COLQ: variants seen among roughly 807,000 people sequenced by gnomAD.
The protein encoded by COLQ is acetylcholinesterase collagenic tail peptide.
In COLQ, 48 loss-of-function variants were observed where a neutral mutation model predicts 69.0. The observed-to-expected ratio is 0.70, with a 90% CI of 0.55 to 0.88. The LOEUF (loss-of-function observed/expected upper bound fraction) is 0.88. Among genes scored for constraint, COLQ ranks in the 40% least tolerant of loss-of-function variants. The pLI, the probability that COLQ is intolerant of heterozygous loss-of-function variation, is 0.00. For missense variants in COLQ, 618 were observed against 594.6 expected, an observed-to-expected ratio of 1.04 and a Z score of -0.41; for synonymous variants, 217 against 211.2, an observed-to-expected ratio of 1.03 and a Z score of -0.24.
intron 12 of COLQ, among the ~76,000 whole-genome samples, chr3:15,463,459 G>T (rs1177337234): frequency 6.6e-6 from 1 of 151,818 alleles, no homozygotes; most frequent in Non-Finnish European, 1.5e-5. Flanking sequence ...CCATTCTCCT[G>T]CCTCAGCCTC....
rs749975146 is a variant in COLQ at position 15,470,670 on chromosome 3, C to T, written c.637-54G>A. The T allele has an allele frequency of 1.9e-5, 29 of 1,510,558 alleles. 1 individual carries two copies. The South Asian group carries it at 2.9e-4, about 15-fold the overall frequency. 93.6% of individuals were successfully genotyped at this position (1,510,558 alleles called of 1,614,324 possible). On this transcript the variant is annotated intron_variant, in intron 10 of 16. Coordinates refer to ENST00000383788, the MANE Select transcript of COLQ (RefSeq NM_005677.4). ...GGACTTAGGGCATGTGGAGTGGGCA[C>T]ATCTACACAGGTCTAGCCAGTCATT...
intron 1 of COLQ, among the ~76,000 whole-genome samples, chr3:15,514,746 C>T (rs1249928021): frequency 2.0e-5 from 3 of 152,160 alleles, no homozygotes; most frequent in Non-Finnish European, 4.4e-5. Flanking sequence ...ACCAGAGTCA[C>T]ATGCCCAGAG....
intron 1 of COLQ, among the ~76,000 whole-genome samples, chr3:15,494,316 G>A (rs917617685): frequency 6.6e-6 from 1 of 152,112 alleles, no homozygotes; most frequent in South Asian, 2.1e-4. Context: ...GCAGGGCACG[G>A]GACAGGAAGG....
intron 3 of COLQ, among the ~76,000 whole-genome samples, chr3:15,486,970 C>T (rs1261916426): frequency 2.0e-5 from 3 of 152,108 alleles, no homozygotes; most frequent in Non-Finnish European, 4.4e-5. Flanking sequence ...AATAAAACTT[C>T]GATGTTTTAT....
At chr3:15,467,019 G>T (rs191402030) in intron 11 of COLQ, among the ~76,000 whole-genome samples, 1 of 152,344 alleles carries the variant, frequency 6.6e-6, no homozygotes, top group East Asian at 1.9e-4. Context: ...CCTGGATGGA[G>T]TCAGTTCACC....
At chr3:15,466,278 G>A in intron 12 of COLQ, 63 bp downstream of exon 12, 1 of 1,165,664 alleles carries the variant, frequency 8.6e-7, no homozygotes, top group Non-Finnish European at 1.3e-6. Context: ...ATCTCCTTGT[G>A]CCCTCTCTGG....
intron 5 of COLQ, chr3:15,478,669 C>T (rs1575476733): frequency 1.9e-6 from 1 of 514,308 alleles, no homozygotes; most frequent in African/African-American, 1.9e-5. Context: ...AAGGGTTTCT[C>T]TGATGGGTAG....
chr3:15,486,962 T>C (rs2062584841), intron 3 of COLQ, among the ~76,000 whole-genome samples: 1 of 152,174 alleles, frequency 6.6e-6, no homozygotes, highest in South Asian at 2.1e-4. Context: ...CCACAGACAA[T>C]AAAACTTCGA....
At chr3:15,517,998 T>G (rs1304240462) in intron 1 of COLQ, among the ~76,000 whole-genome samples, 2 of 152,128 alleles carry the variant, frequency 1.3e-5, no homozygotes. Context: ...CAGGTTGGAG[T>G]GCAATGGCGC....
At chr3:15,501,050 C>T (rs1381368101) in intron 1 of COLQ, among the ~76,000 whole-genome samples, 1 of 152,210 alleles carries the variant, frequency 6.6e-6, no homozygotes, top group South Asian at 2.1e-4. Flanking sequence ...AGGATCTCCC[C>T]TTTTACCCCT....
chr3:15,519,953 A>C (rs1353926047), intron 1 of COLQ, among the ~76,000 whole-genome samples: 2 of 152,256 alleles, frequency 1.3e-5, no homozygotes, highest in East Asian at 3.8e-4. Context: ...AAAACAGTAA[A>C]GTACAAGAGA....
At chr3:15,467,900 T>G in intron 11 of COLQ, 1 of 456,582 alleles carries the variant, frequency 2.2e-6, no homozygotes, top group South Asian at 1.5e-5. Flanking sequence ...GTGCAAGGAG[T>G]TCTTGAACTC....
rs1212907536 is a variant in COLQ, at chr3:15,458,153, T to C, written c.954+33A>G. ...GGATCAGGTGAGAGGTCCTCACGGA[T>C]AACCACCCCAGACTTCTCCCAGAAA... On this transcript the variant is annotated intron_variant, in intron 13 of 16. Coordinates refer to ENST00000383788, the MANE Select transcript of COLQ (RefSeq NM_005677.4). 4 of 1,612,248 alleles carry C rather than the reference T, an allele frequency of 2.5e-6. No individual in the cohort carries two copies. The Admixed American group carries it at 6.7e-5, about 27-fold the overall frequency.
intron 16 of COLQ, among the ~76,000 whole-genome samples, chr3:15,452,000 C>CT (rs1420387953): frequency 6.6e-6 from 1 of 152,072 alleles, no homozygotes; most frequent in African/African-American, 2.4e-5. Flanking sequence ...TGTCCTGTAT[C>CT]TGTGAAGCCA....
intron 1 of COLQ, among the ~76,000 whole-genome samples, chr3:15,500,793 G>A (rs1489399201): frequency 6.6e-6 from 1 of 152,116 alleles, no homozygotes; most frequent in Non-Finnish European, 1.5e-5. Flanking sequence ...CAAATTTCTG[G>A]ATGTATGCTC....
rs994531614 is a variant in COLQ, at chr3:15,456,113, G to C, written c.1075-94C>G. On this transcript the variant is annotated intron_variant, in intron 14 of 16. Coordinates refer to ENST00000383788, the MANE Select transcript of COLQ (RefSeq NM_005677.4). ...TTGGTTTTGGTCCAAAGGCACTGCT[G>C]GGGGGCATGCCTTGACTTCCTCCCA... 3.5e-6 allele frequency: 5 copies of C among 1,430,658 alleles called. No homozygotes were observed. The African/African-American group carries it at 4.2e-5, about 12-fold the overall frequency. The allele number at this position is 1,430,658 out of a possible 1,614,324, so 88.6% of individuals were successfully genotyped here.
intron 1 of COLQ, among the ~76,000 whole-genome samples, chr3:15,511,197 C>T (rs1331874189): frequency 1.1e-4 from 17 of 152,190 alleles, no homozygotes. Context: ...AATGACTTGT[C>T]CAACACTACA....
intron 7 of COLQ, 21 bp from the exon 8 acceptor site, chr3:15,474,972 C>A (rs1449903821): frequency 6.2e-7 from 1 of 1,613,490 alleles, no homozygotes; most frequent in African/African-American, 1.3e-5. Context: ...GCAGAAGGTA[C>A]ATTTACAATC....
intron 3 of COLQ, among the ~76,000 whole-genome samples, chr3:15,487,772 TG>T (rs1032373630): frequency 6.6e-6 from 1 of 152,186 alleles, no homozygotes. Flanking sequence ...TAGCAATACC[TG>T]GGGGCCCAGT....
Sources: allele counts gnomAD v4.1 joint callset (sites outside exome capture counted in the v4.1 genomes callset), GRCh38; gene constraint gnomAD v4.1.1; transcripts MANE v1.5; gene names NCBI Gene and HGNC (gene_info 2026-07-23, HGNC 2026-07-21).